Variants in PBLD observed in about 807,000 individuals in gnomAD.
PBLD encodes the protein phenazine biosynthesis-like domain-containing protein.
Under a neutral mutation model 31.3 loss-of-function variants are expected in PBLD, and 26 were observed. The observed-to-expected ratio is 0.83, with a 90% confidence interval of 0.61 to 1.15. PBLD has a LOEUF of 1.15. Ranked by LOEUF, PBLD falls within the 50% of genes most tolerant of loss-of-function variation. The pLI, the probability that PBLD is intolerant of heterozygous loss-of-function variation, is 0.00. For missense variants in PBLD, 307 were observed against 351.7 expected, an observed-to-expected ratio of 0.87 and a Z score of 1.02; for synonymous variants, 114 against 129.0, an observed-to-expected ratio of 0.88 and a Z score of 0.79.
At chr10:68,316,083 T>C (rs577643945) in intron 1 of PBLD, among the ~76,000 whole-genome samples, 2 of 152,152 alleles carry the variant, frequency 1.3e-5, no homozygotes, top group Non-Finnish European at 1.5e-5. Flanking sequence ...GAGGTGTATA[T>C]AGAAACAAGA....
chr10:68,317,566 G>A (rs2134515500), intron 1 of PBLD, among the ~76,000 whole-genome samples: 1 of 152,222 alleles, frequency 6.6e-6, no homozygotes, highest in South Asian at 2.1e-4. Flanking sequence ...GGGAGGCCAA[G>A]GAGGGCATCC....
chr10:68,315,510 G>A (rs773062014), intron 1 of PBLD, among the ~76,000 whole-genome samples: 4 of 151,672 alleles, frequency 2.6e-5, no homozygotes, highest in Non-Finnish European at 5.9e-5. Flanking sequence ...GCTTGAACCT[G>A]GGAGGTGGAG....
At chr10:68,309,577 A>C (rs1236214525) in intron 1 of PBLD, among the ~76,000 whole-genome samples, 2 of 149,704 alleles carry the variant, frequency 1.3e-5, no homozygotes, top group Non-Finnish European at 3.0e-5. Context: ...TGGGAGGCCG[A>C]GGCAGGCAGA....
At chr10:68,296,703 A>G (rs1038323304) in intron 3 of PBLD, among the ~76,000 whole-genome samples, 183 bp downstream of exon 3, 1 of 152,222 alleles carries the variant, frequency 6.6e-6, no homozygotes, top group Admixed American at 6.5e-5. Context: ...TTCAAGAATT[A>G]TTTTAAAGTG....
At chr10:68,320,627 G>A (rs1385187445) in intron 1 of PBLD, among the ~76,000 whole-genome samples, 2 of 151,462 alleles carry the variant, frequency 1.3e-5, no homozygotes, top group Non-Finnish European at 2.9e-5. Context: ...ACAATATATT[G>A]CTTTTTTATT....
In PBLD at chr10:68,292,170, C is replaced by T. The variant is rs772204357; in HGVS notation, c.352G>A (p.Gly118Ser). ...TAAAGAGGCAAGTCCAGGACGATGC[C>T]ATCCTCTGCTCGTCTGGCCCTTAGT... ...GELRARRAED[G>S]IVLDLPLYPA... is the part of the protein sequence containing the mutation. The change falls in exon 5 of 10, where the codon GGC (glycine) becomes AGC (serine). Residue 118 changes from glycine (G) to serine (S), a missense_variant. Transcript: ENST00000358769. 6 of 1,613,912 alleles carry T rather than the reference C, an allele frequency of 3.7e-6. No individual in the cohort carries two copies. The highest frequency in any genetic ancestry group is 5.1e-6 in the Non-Finnish European group (6 of 1,180,014).
chr10:68,299,596 C>A (rs1204736669), intron 2 of PBLD, among the ~76,000 whole-genome samples: 1 of 152,034 alleles, frequency 6.6e-6, no homozygotes, highest in African/African-American at 2.4e-5. Flanking sequence ...CAGCTTATGC[C>A]TGTAATCCCA....
In PBLD at chr10:68,319,059, GAA is replaced by G. The variant is rs1310918254; in HGVS notation, c.-59-12158_-59-12157del. On this transcript the variant is annotated intron_variant, in intron 1 of 9. Coordinates refer to ENST00000358769, the MANE Select transcript of PBLD (RefSeq NM_022129.4). ...AAAGAAAGAAAGAAAGAGAGAGAAA[GAA>G]AGAAAGAAAGAAAGAAAGAAAGAAA... Among the ~76,000 whole-genome samples, 11 of 92,820 alleles carry G rather than the reference GAA, an allele frequency of 1.2e-4. 1 individual carries two copies. Among genetic ancestry groups the G allele is most frequent in the African/African-American group, 3.2e-4 (6 of 19,042 alleles). The allele number at this position is 92,820 out of a possible 152,430, so 60.9% of individuals were successfully genotyped here. A position where few individuals can be genotyped will look rare whatever the true frequency, so the allele number is the denominator to read the frequency against.
intron 8 of PBLD, 135 bp from the exon 9 acceptor site, chr10:68,285,545 C>A: frequency 8.0e-7 from 1 of 1,251,994 alleles, no homozygotes; most frequent in Non-Finnish European, 1.1e-6. Flanking sequence ...GTTGGCCAGG[C>A]CACAGCAGGG....
At chr10:68,332,196 G>A (rs375657459) in intron 1 of PBLD, 2 of 152,338 alleles carry the variant, frequency 1.3e-5, no homozygotes, top group South Asian at 4.1e-4. Context: ...ACCAGAGTCG[G>A]CGTAACTATC....
intron 1 of PBLD, among the ~76,000 whole-genome samples, chr10:68,320,309 C>T (rs956687902): frequency 2.6e-5 from 4 of 152,204 alleles, no homozygotes; most frequent in Admixed American, 2.6e-4. Flanking sequence ...ATGGAAGAAT[C>T]CATCAGGAAG....
At chr10:68,295,429 G>A (rs1432507786) in intron 4 of PBLD, among the ~76,000 whole-genome samples, 1 of 151,016 alleles carries the variant, frequency 6.6e-6, no homozygotes, top group Admixed American at 6.6e-5. Context: ...GGAGTCAGAG[G>A]TTGCAGTGAA....
In PBLD at chr10:68,292,220, A is replaced by G. The variant is rs754320408; in HGVS notation, c.302T>C (p.Leu101Pro). Residue 101 changes from leucine (L) to proline (P), a missense_variant, in exon 5 of 10, where the codon CTC (leucine) becomes CCC (proline). Transcript: ENST00000358769. ...TTCTCCACTCAGAGTGACAAACGTG[A>G]GCGTGCTATTCATGTTTTCTGGCCA... ...FHKIKNMNST[L>P]TFVTLSGELR... 1 of 1,613,596 alleles carries G rather than the reference A, an allele frequency of 6.2e-7. No homozygotes were observed.
At chr10:68,301,323 T>C (rs1202197033) in intron 2 of PBLD, among the ~76,000 whole-genome samples, 1 of 152,122 alleles carries the variant, frequency 6.6e-6, no homozygotes, top group African/African-American at 2.4e-5. Flanking sequence ...CCTGGATAAG[T>C]GAGAAATCCC....
At chr10:68,318,035 G>A (rs1450092306) in intron 1 of PBLD, among the ~76,000 whole-genome samples, 2 of 152,034 alleles carry the variant, frequency 1.3e-5, no homozygotes, top group Admixed American at 1.3e-4. Flanking sequence ...AGACCATCCT[G>A]GATAACACAG....
At chr10:68,288,082 T>C (rs1242639643) in intron 8 of PBLD, 1 of 173,706 alleles carries the variant, frequency 5.8e-6, no homozygotes, top group African/African-American at 2.4e-5. Flanking sequence ...TACAATATAA[T>C]AGCTAGTAGT....
At chr10:68,306,735 A>C (rs1208020524) in intron 2 of PBLD, 26 bp downstream of exon 2, 1 of 1,565,472 alleles carries the variant, frequency 6.4e-7, no homozygotes, top group Non-Finnish European at 8.8e-7. Flanking sequence ...AATTTCAGGT[A>C]CTGTAATTCA....
At chr10:68,293,282 T>C (rs765695221) in intron 4 of PBLD, among the ~76,000 whole-genome samples, 1 of 152,248 alleles carries the variant, frequency 6.6e-6, no homozygotes, top group Non-Finnish European at 1.5e-5. Flanking sequence ...ATCAGTGTTA[T>C]ATGAAATAAA....
At chr10:68,320,632 T>C (rs1320461694) in intron 1 of PBLD, among the ~76,000 whole-genome samples, 4 of 152,128 alleles carry the variant, frequency 2.6e-5, no homozygotes, top group Admixed American at 6.6e-5. Flanking sequence ...ATATTGCTTT[T>C]TTATTTGTAA....
Sources: allele counts gnomAD v4.1 joint callset (sites outside exome capture counted in the v4.1 genomes callset), GRCh38; gene constraint gnomAD v4.1.1; transcripts MANE v1.5; gene names NCBI Gene and HGNC (gene_info 2026-07-23, HGNC 2026-07-21).